Variants in EPB41L1 observed in about 807,000 individuals in gnomAD.
EPB41L1 encodes band 4.1-like protein 1.
Under a neutral mutation model 97.8 loss-of-function variants are expected in EPB41L1, and 29 were observed. The ratio of observed to expected loss-of-function variants is 0.30; its 90% confidence interval spans 0.22 to 0.40. EPB41L1 has a LOEUF of 0.40. Ranked by LOEUF, EPB41L1 falls within the 10% of genes least tolerant of loss-of-function variation. The pLI is 1.00. For synonymous variants in EPB41L1, 383 were observed against 459.2 expected (o/e 0.83, Z 2.12); for missense variants, 812 against 1,162.3 (o/e 0.70, Z 4.38).
At chr20:36,153,848 G>A (rs569598127), upstream of EPB41L1, among the ~76,000 whole-genome samples, 14 of 152,146 alleles carry the variant, frequency 9.2e-5, no homozygotes, top group Non-Finnish European at 1.0e-4. Flanking sequence ...GGTTGGACTG[G>A]TTTTTTTAGT....
At chr20:36,192,153 G>A (rs1054159750) in intron 11 of EPB41L1, among the ~76,000 whole-genome samples, 31 of 151,858 alleles carry the variant, frequency 2.0e-4, no homozygotes, top group African/African-American at 7.5e-4. Flanking sequence ...TTGGACCTGG[G>A]AGGCAGAGGT....
upstream of EPB41L1, chr20:36,151,609 A>G (rs1295829078): frequency 6.6e-6 from 1 of 152,242 alleles, no homozygotes; most frequent in Admixed American, 6.5e-5. Flanking sequence ...AAAACAGTCA[A>G]GTAACTCAAG....
intron 7 of EPB41L1, 49 bp downstream of exon 7, chr20:36,185,384 G>T: frequency 6.4e-7 from 1 of 1,559,970 alleles, no homozygotes; most frequent in Non-Finnish European, 8.7e-7. Context: ...GCCAGTGGGA[G>T]CCTTCCTTGC....
At chr20:36,100,741 C>A (rs1285330727) in intron 1 of EPB41L1, among the ~76,000 whole-genome samples, 1 of 152,196 alleles carries the variant, frequency 6.6e-6, no homozygotes, top group South Asian at 2.1e-4. Flanking sequence ...CCTGCGGGAG[C>A]ATTTAGGTGT....
rs570097059 is a variant in EPB41L1, at chr20:36,207,044, G to T, written c.1669-2444G>T. On this transcript the variant is annotated intron_variant, in intron 14 of 21. Coordinates refer to ENST00000338074, the MANE Select transcript of EPB41L1 (RefSeq NM_012156.2). The surrounding 1 kb of genome is among the most constrained non-coding windows in gnomAD (Gnocchi z 4.9). ...AAAGGAGGGGCTGAGCTGAAGGACC[G>T]CGAGGCTTCAGCATTTCTTCACATG... is the stretch of plus-strand genomic sequence containing the variant. The T allele has an allele frequency of 3.1e-6, 4 of 1,289,834 alleles. 1 individual carries two copies. The highest frequency in any genetic ancestry group is 2.5e-5 in the South Asian group (2 of 81,028). 79.9% of individuals were successfully genotyped at this position (1,289,834 alleles called of 1,614,324 possible).
chr20:36,180,325 G>T (rs1294799171), intron 5 of EPB41L1, among the ~76,000 whole-genome samples: 1 of 152,172 alleles, frequency 6.6e-6, no homozygotes, highest in Non-Finnish European at 1.5e-5. Context: ...GAGCTTCAGA[G>T]TTGGGTGTAT....
intron 1 of EPB41L1, among the ~76,000 whole-genome samples, chr20:36,111,460 A>T (rs1245101421): frequency 6.6e-6 from 1 of 152,148 alleles, no homozygotes; most frequent in Non-Finnish European, 1.5e-5. Context: ...CTTTGAGTGA[A>T]TTACACCAGA....
intron 21 of EPB41L1, 23 bp from the exon 22 acceptor site, chr20:36,229,309 T>C (rs1415439637): frequency 2.4e-6 from 3 of 1,273,848 alleles, no homozygotes; most frequent in South Asian, 2.4e-5. Flanking sequence ...CCCCCCATTC[T>C]ACCCCATGCC....
rs554486759 is a variant in EPB41L1 at position 36,211,279 on chromosome 20, C to T, written c.2080-993C>T. Among the ~76,000 whole-genome samples the T allele has an allele frequency of 9.9e-5, 15 of 151,700 alleles. No individual in the cohort carries two copies. In the East Asian group the frequency reaches 1.4e-3, roughly 14 times the overall value. ...GCACCCACCTGTAATCCCAACTACT[C>T]GGGAGGCAGGAGAATCACTTGAACT... On this transcript the variant is annotated intron_variant, in intron 15 of 21. Coordinates refer to ENST00000338074, the MANE Select transcript of EPB41L1 (RefSeq NM_012156.2).
chr20:36,164,236 C>T (rs2145712155), intron 1 of EPB41L1, among the ~76,000 whole-genome samples: 1 of 152,338 alleles, frequency 6.6e-6, no homozygotes, highest in Non-Finnish European at 1.5e-5. Flanking sequence ...CCTGCTTCTT[C>T]AAGCAGGTCA....
intron 8 of EPB41L1, 120 bp downstream of exon 8, chr20:36,187,883 G>C (rs2061751681): frequency 1.2e-6 from 1 of 808,002 alleles, no homozygotes; most frequent in African/African-American, 1.7e-5. Flanking sequence ...AACCTTTTCT[G>C]TTCTCATTCT....
chr20:36,099,528 T>A (rs873925), intron 1 of EPB41L1, among the ~76,000 whole-genome samples: 29,839 of 152,004 alleles, frequency 0.2, 3,108 homozygotes, highest in Middle Eastern at 0.26. Flanking sequence ...CCTTGGCCAT[T>A]GTCATATCCG....
intron 2 of EPB41L1, 131 bp downstream of exon 2, chr20:36,174,085 C>A (rs2061116555): frequency 4.1e-6 from 4 of 968,890 alleles, no homozygotes; most frequent in Admixed American, 2.0e-5. Flanking sequence ...CTGTTACATG[C>A]CAAGCACTGT....
At chr20:36,168,235 C>T (rs1050119321) in intron 1 of EPB41L1, among the ~76,000 whole-genome samples, 12 of 152,226 alleles carry the variant, frequency 7.9e-5, no homozygotes, top group African/African-American at 2.4e-4. Flanking sequence ...AGGCAAGCAT[C>T]CCTGGCCTCA....
At chr20:36,218,836 C>T (rs757419483) in intron 17 of EPB41L1, 40 bp from the exon 18 acceptor site, 11 of 1,602,344 alleles carry the variant, frequency 6.9e-6, no homozygotes, top group Middle Eastern at 1.7e-4. Context: ...GGGGCCCACC[C>T]GGCTGAGAGC....
At chr20:36,169,745 T>C (rs2060903798) in intron 1 of EPB41L1, among the ~76,000 whole-genome samples, 1 of 152,182 alleles carries the variant, frequency 6.6e-6, no homozygotes, top group South Asian at 2.1e-4. Flanking sequence ...AATTCCACCT[T>C]CACCTCCCCA....
intron 1 of EPB41L1, among the ~76,000 whole-genome samples, chr20:36,164,473 A>G (rs1179002750): frequency 6.6e-6 from 1 of 152,124 alleles, no homozygotes; most frequent in East Asian, 1.9e-4. Flanking sequence ...AGAATTTCCA[A>G]GAACACCTGG....
At position 36,195,407 on chromosome 20, in the gene EPB41L1, C is replaced by A. The variant is rs1206778990; in HGVS notation, c.1485+43C>A. Reference sequence around the variant, plus strand: ...TCCCTCCCTACCCAGCCGTTCCCATCCCTAGCTCATTTGTCACCATCCCAC... The same window carrying A: ...TCCCTCCCTACCCAGCCGTTCCCATACCTAGCTCATTTGTCACCATCCCAC... On this transcript the variant is annotated intron_variant, in intron 13 of 21. Coordinates refer to ENST00000338074, the MANE Select transcript of EPB41L1 (RefSeq NM_012156.2). This position sits in a 1 kb window ranked among gnomAD's most constrained non-coding sequence, Gnocchi z 4.6. 6.2e-7 allele frequency: 1 copy of A among 1,610,824 alleles called. No homozygotes were observed. The highest frequency in any genetic ancestry group is 2.2e-5 in the East Asian group (1 of 44,858).
At chr20:36,116,926 T>G (rs963264599) in intron 2 of EPB41L1, among the ~76,000 whole-genome samples, 2 of 152,196 alleles carry the variant, frequency 1.3e-5, no homozygotes, top group African/African-American at 4.8e-5. Context: ...CAGTTATTTT[T>G]CTTGAGCTGG....
Sources: gnomAD v4.1 joint callset for allele counts (sites outside exome capture counted in the v4.1 genomes callset) on GRCh38, gnomAD v4.1.1 for gene constraint, Gnocchi (gnomAD v3.1) non-coding constraint, MANE v1.5 for transcripts, NCBI Gene and HGNC (gene_info 2026-07-23, HGNC 2026-07-21) for gene names.